The following MROH9 variants were observed in gnomAD, a reference collection of about 807,000 sequenced individuals.
MROH9 encodes maestro heat-like repeat-containing protein family member 9.
In MROH9, 92 loss-of-function variants were observed where a neutral mutation model predicts 98.2. The ratio of observed to expected loss-of-function variants is 0.94; its 90% CI spans 0.79 to 1.11. MROH9 has a LOEUF of 1.11. Ranked by LOEUF, MROH9 falls within the 50% of genes most tolerant of loss-of-function variation. The pLI is 0.00. For missense variants in MROH9, 1,057 were observed against 1,014.8 expected (o/e 1.04, Z -0.57); for synonymous variants, 397 against 368.9 (o/e 1.08, Z -0.87).
At chr1:171,024,370 C>T (rs1168602904) in intron 17 of MROH9, 25 bp from the exon 18 acceptor site, 1 of 1,547,870 alleles carries the variant, frequency 6.5e-7, no homozygotes, top group African/African-American at 1.4e-5. Flanking sequence ...ATATTATCCT[C>T]AAATAAGGCC....
chr1:171,002,004 T>C (rs1571493545), intron 15 of MROH9, among the ~76,000 whole-genome samples: 1 of 152,222 alleles, frequency 6.6e-6, no homozygotes, highest in Non-Finnish European at 1.5e-5. Flanking sequence ...TCCATCTTTG[T>C]CTCTTTTAAC....
chr1:171,007,740 T>C (rs1652013533), intron 15 of MROH9, among the ~76,000 whole-genome samples: 1 of 152,122 alleles, frequency 6.6e-6, no homozygotes, highest in South Asian at 2.1e-4. Context: ...AGAGGTGAGT[T>C]ACAGGGCTGT....
intron 1 of MROH9, among the ~76,000 whole-genome samples, chr1:170,937,899 C>G (rs1220400019): frequency 6.6e-6 from 1 of 152,144 alleles, no homozygotes; most frequent in African/African-American, 2.4e-5. Flanking sequence ...ACCTCAGCTG[C>G]TTGTGGTTCT....
chr1:171,021,468 C>G (rs1311721212), intron 17 of MROH9, among the ~76,000 whole-genome samples: 1 of 152,096 alleles, frequency 6.6e-6, no homozygotes, highest in Non-Finnish European at 1.5e-5. Context: ...CTTCTACAAT[C>G]ATCTGATCTT....
intron 8 of MROH9, among the ~76,000 whole-genome samples, chr1:170,975,219 A>G (rs984931479): frequency 6.6e-6 from 1 of 152,158 alleles, no homozygotes; most frequent in Non-Finnish European, 1.5e-5. Flanking sequence ...TGCTGCCTAC[A>G]AGAAACTCAC....
chr1:170,999,602 T>C (rs778663830), intron 15 of MROH9, among the ~76,000 whole-genome samples: 1 of 152,164 alleles, frequency 6.6e-6, no homozygotes. Flanking sequence ...GTTGGTTCCA[T>C]GATTTTCAAA....
At chr1:171,032,595 T>G (rs559895060) in intron 20 of MROH9, among the ~76,000 whole-genome samples, 1 of 152,234 alleles carries the variant, frequency 6.6e-6, no homozygotes, top group East Asian at 1.9e-4. Flanking sequence ...TTCACTCCCG[T>G]GCCTGGAGAT....
At chr1:171,038,734 A>C (rs1039129179) in intron 20 of MROH9, among the ~76,000 whole-genome samples, 2 of 152,190 alleles carry the variant, frequency 1.3e-5, no homozygotes, top group African/African-American at 4.8e-5. Flanking sequence ...CAAAGTCCCC[A>C]ACCTGTGACT....
At chr1:170,975,315 G>A (rs146565358) in intron 8 of MROH9, among the ~76,000 whole-genome samples, 88 of 152,030 alleles carry the variant, frequency 5.8e-4, no homozygotes, top group African/African-American at 2.0e-3. Flanking sequence ...AAATTGGAGT[G>A]GCTATATTCT....
In MROH9 at chr1:170,971,791, T is replaced by C. The variant is rs565518526; in HGVS notation, c.524T>C (p.Leu175Pro). ...APCLGLLAAE[L>P]SLLCSHEDPS... ...TGTTTGGGTCTCCTGGCAGCAGAGC[T>C]GTCTCTTTTGTGTTCCCATGAAGAT... The change falls in exon 8 of 22, where the codon CTG (leucine) becomes CCG (proline). Residue 175 changes from leucine to proline, a missense_variant. Leu to Pro is a moderately conservative substitution (Grantham distance 98, BLOSUM62 -3). Transcript: ENST00000367759. 1.2e-6 allele frequency: 2 copies of C among 1,614,120 alleles called. No individual in the cohort carries two copies. The highest frequency in any genetic ancestry group is 4.5e-5 in the East Asian group (2 of 44,874).
At chr1:171,032,762 G>A (rs1010906727) in intron 20 of MROH9, among the ~76,000 whole-genome samples, 1 of 152,170 alleles carries the variant, frequency 6.6e-6, no homozygotes, top group Non-Finnish European at 1.5e-5. Flanking sequence ...TGGGTACCAC[G>A]GAGAACAATA....
At chr1:170,974,546 A>G (rs1353052611) in intron 8 of MROH9, among the ~76,000 whole-genome samples, 2 of 152,114 alleles carry the variant, frequency 1.3e-5, no homozygotes, top group African/African-American at 2.4e-5. Context: ...AAGTCAATCT[A>G]GAATCCTTAA....
At chr1:170,960,097 T>C (rs1649961358) in intron 5 of MROH9, among the ~76,000 whole-genome samples, 1 of 152,222 alleles carries the variant, frequency 6.6e-6, no homozygotes, top group African/African-American at 2.4e-5. Flanking sequence ...TGCAAAACTA[T>C]CAGGCTAATT....
chr1:170,957,893 C>T (rs1160998638), intron 3 of MROH9, among the ~76,000 whole-genome samples: 1 of 151,294 alleles, frequency 6.6e-6, no homozygotes, highest in East Asian at 1.9e-4. Context: ...ACTGCAAGCT[C>T]TGCCTCCCGG....
intron 5 of MROH9, among the ~76,000 whole-genome samples, chr1:170,960,416 G>C (rs1409791913): frequency 2.0e-5 from 3 of 152,018 alleles, no homozygotes; most frequent in Admixed American, 6.5e-5. Context: ...ATACTAGAAA[G>C]AAAGAAAAAA....
chr1:171,013,874 TACACACACACACACAC>T (rs34557125), intron 15 of MROH9, among the ~76,000 whole-genome samples: 23 of 144,388 alleles, frequency 1.6e-4, no homozygotes, highest in South Asian at 1.2e-3. Flanking sequence ...GTAAAATACA[TACACACACACACACAC>T]ACACACACAC....
chr1:170,938,958 C>T (rs1029483793), intron 1 of MROH9, among the ~76,000 whole-genome samples: 6 of 152,214 alleles, frequency 3.9e-5, no homozygotes, highest in African/African-American at 1.4e-4. Context: ...ATTTACATCC[C>T]TGACACTATG....
chr1:170,961,396 G>T (rs1650011763), intron 5 of MROH9, among the ~76,000 whole-genome samples: 1 of 152,176 alleles, frequency 6.6e-6, no homozygotes, highest in Non-Finnish European at 1.5e-5. Context: ...CCAGGGCTAT[G>T]TTCTTTTTGA....
rs1167420285 is a variant in MROH9, at chr1:171,016,290, C to T, written c.1862C>T (p.Ser621Phe). ...AACGAACTGGACAAAGTGACCTACT[C>T]TTTGGGTACCAGAATTGGTTCCAGC... The part of the protein sequence containing the change: ...LLNELDKVTY[S>F]LGTRIGSSYC... The change falls in exon 17 of 22, where the codon TCT becomes TTT. Residue 621 changes from serine to phenylalanine, a missense_variant. Physicochemically the swap from Ser to Phe is radical, Grantham distance 155. Transcript: ENST00000367759. 1 of 1,537,498 alleles carries T rather than the reference C, an allele frequency of 6.5e-7. No individual in the cohort carries two copies. The highest frequency in any genetic ancestry group is 2.0e-5 in the Admixed American group (1 of 48,886).
Sources: gnomAD v4.1 joint callset for allele counts (sites outside exome capture counted in the v4.1 genomes callset) on GRCh38, gnomAD v4.1.1 for gene constraint, MANE v1.5 for transcripts, NCBI Gene and HGNC (gene_info 2026-07-23, HGNC 2026-07-21) for gene names.